The following PARP4 variants were observed in gnomAD, a reference collection of about 807,000 sequenced individuals.
PARP4 encodes the protein poly(ADP-ribose) polymerase family member 4, also known as protein mono-ADP-ribosyltransferase PARP4.
PARP4 carries 120 observed loss-of-function variants against 187.7 expected under a neutral mutation model. The ratio of observed to expected loss-of-function variants is 0.64; its 90% CI spans 0.55 to 0.74. The LOEUF (loss-of-function observed/expected upper bound fraction) is 0.74, where lower values mean the gene tolerates loss of function less well. Among genes scored for constraint, PARP4 ranks in the 30% least tolerant of loss-of-function variants. The probability of loss-of-function intolerance (pLI) is 0.00; values close to 1 mark genes in which losing one functional copy is unlikely to be tolerated. For synonymous variants in PARP4, 654 were observed against 740.9 expected, an observed-to-expected ratio of 0.88 and a Z score of 1.90; for missense variants, 1,836 against 2,070.5, an observed-to-expected ratio of 0.89 and a Z score of 2.20.
chr13:24,490,691 T>C lies in PARP4; in HGVS notation c.1191A>G (p.Lys397=), dbSNP rs1351386396. 19 of 1,613,796 alleles carry C rather than the reference T, an allele frequency of 1.2e-5. No individual in the cohort carries two copies. The highest frequency in any genetic ancestry group is 1.6e-5 in the Non-Finnish European group (19 of 1,179,826). The part of the protein sequence containing the change: ...QNTEEFLRVR[K]EVLQNHHSKS... ...ACCTGTGATGATTCTGCAAAACCTC[T>C]TTTCTAACCCTGAGAAATTCTTCAG... The change falls in exon 10 of 34, where the codon AAA becomes AAG. Residue 397 remains lysine, a synonymous_variant. Coordinates refer to ENST00000381989, the MANE Select transcript of PARP4 (RefSeq NM_006437.4).
chr13:24,421,045 A>T lies in PARP4; in HGVS notation c.*74T>A, dbSNP rs569759137. 8.6e-5 allele frequency: 125 copies of T among 1,445,350 alleles called. 2 individuals carry two copies. The South Asian group carries it at 1.7e-3, about 20-fold the overall frequency. 89.5% of individuals were successfully genotyped at this position (1,445,350 alleles called of 1,614,324 possible). A position where few individuals can be genotyped will look rare whatever the true frequency, so the allele number is the denominator to read the frequency against. ...AATGAAACCTTAATGAAGTTTCATT[A>T]TAAGTATCTATTATCATTTGATTAT... On this transcript the variant is annotated 3_prime_UTR_variant, in exon 34 of 34. Transcript: ENST00000381989.
intron 1 of PARP4, among the ~76,000 whole-genome samples, chr13:24,506,490 G>A (rs1304618532): frequency 6.6e-6 from 1 of 152,128 alleles, no homozygotes; most frequent in Non-Finnish European, 1.5e-5. Flanking sequence ...TCATTTTATA[G>A]AGCGCTGATT....
chr13:24,463,531 A>T (rs1055878799), intron 17 of PARP4, among the ~76,000 whole-genome samples: 1 of 152,218 alleles, frequency 6.6e-6, no homozygotes, highest in Non-Finnish European at 1.5e-5. Context: ...CATAAACAGA[A>T]CTAAAGACAA....
chr13:24,474,645 G>A (rs1872892036), intron 15 of PARP4, among the ~76,000 whole-genome samples: 1 of 151,912 alleles, frequency 6.6e-6, no homozygotes, highest in South Asian at 2.1e-4. Flanking sequence ...GGCTCCCGCA[G>A]GCACAGTCCC....
chr13:24,441,335 A>C (rs1029284749), intron 30 of PARP4, among the ~76,000 whole-genome samples: 1 of 141,572 alleles, frequency 7.1e-6, no homozygotes, highest in African/African-American at 2.7e-5. Flanking sequence ...TGGAAATTTT[A>C]GTTTTTTAAC....
Position 24,492,489 on chromosome 13 carries a change from G to A in PARP4, c.985C>T (p.Pro329Ser). 1.2e-6 allele frequency: 2 copies of A among 1,613,980 alleles called. No homozygotes were observed. Among genetic ancestry groups the A allele is most frequent in the Non-Finnish European group, 1.7e-6 (2 of 1,179,892 alleles). ...TCTTTGGGCATTGTGCCTTTGTGAG[G>A]TATCAGTCTGTAAAACTCTGTCATC... is the stretch of plus-strand genomic sequence containing the variant. ...KMMTEFYRLI[P>S]HKGTMPKEVN... is the part of the protein sequence containing the mutation. The change falls in exon 9 of 34, where the codon CCT becomes TCT. Residue 329 changes from proline (P) to serine (S), a missense_variant. Pro to Ser is a moderately conservative substitution (Grantham distance 74, BLOSUM62 -1). Coordinates refer to ENST00000381989, the MANE Select transcript of PARP4 (RefSeq NM_006437.4).
At chr13:24,452,696 C>T in intron 23 of PARP4, 103 bp from the exon 24 acceptor site, 1 of 836,614 alleles carries the variant, frequency 1.2e-6, no homozygotes. Flanking sequence ...TATGGTGACA[C>T]CGAAAATATT....
chr13:24,453,843 G>C (rs938473216), intron 22 of PARP4, among the ~76,000 whole-genome samples, 189 bp from the exon 23 acceptor site: 6 of 152,100 alleles, frequency 3.9e-5, no homozygotes, highest in African/African-American at 1.4e-4. Context: ...GGCCAGGCAC[G>C]GTGGCTCATG....
intron 9 of PARP4, among the ~76,000 whole-genome samples, chr13:24,492,078 T>C (rs1036343578): frequency 1.2e-4 from 19 of 152,342 alleles, no homozygotes; most frequent in African/African-American, 4.6e-4. Flanking sequence ...GACTTCTTAT[T>C]GTCTGAGAAC....
chr13:24,453,075 C>T (rs997822973), intron 23 of PARP4, among the ~76,000 whole-genome samples: 1 of 152,088 alleles, frequency 6.6e-6, no homozygotes, highest in African/African-American at 2.4e-5. Flanking sequence ...GCTGGGATTA[C>T]AGGTGTCCGT....
Position 24,435,450 on chromosome 13 carries a change from G to C in PARP4, c.3691C>G (p.Pro1231Ala). The C allele has an allele frequency of 6.2e-7, 1 of 1,604,166 alleles. No homozygotes were observed. The highest frequency in any genetic ancestry group is 8.5e-7 in the Non-Finnish European group (1 of 1,177,384). The part of the protein sequence containing the change: ...NQSLLASSEW[P>A]ELRLSKRKHR... Reference sequence around the variant, plus strand: ...TTTCGTTTGGATAAACGTAATTCTGGCCACTCAGAGGATGCTAAAAGAGAC... The same window carrying C: ...TTTCGTTTGGATAAACGTAATTCTGCCCACTCAGAGGATGCTAAAAGAGAC... The change falls in exon 31 of 34, where the codon CCA becomes GCA. Residue 1231 changes from proline (P) to alanine (A), a missense_variant. By Grantham distance (27) the Pro-to-Ala change is conservative. Coordinates refer to ENST00000381989, the MANE Select transcript of PARP4 (RefSeq NM_006437.4).
At chr13:24,476,696 A>C (rs918766633) in intron 14 of PARP4, among the ~76,000 whole-genome samples, 5 of 152,194 alleles carry the variant, frequency 3.3e-5, no homozygotes, top group African/African-American at 9.7e-5. Context: ...TTTCTGACAA[A>C]AAATAATTTG....
At chr13:24,464,529 C>T (rs1872360291) in intron 17 of PARP4, among the ~76,000 whole-genome samples, 2 of 152,232 alleles carry the variant, frequency 1.3e-5, no homozygotes, top group Admixed American at 1.3e-4. Flanking sequence ...ACAAACCTGA[C>T]AAAAACAAGC....
At chr13:24,458,205 G>A (rs369204728) in intron 20 of PARP4, among the ~76,000 whole-genome samples, 17 of 151,874 alleles carry the variant, frequency 1.1e-4, no homozygotes, top group African/African-American at 3.9e-4. Flanking sequence ...CGCCTCCTGG[G>A]TTCACGCCAT....
intron 2 of PARP4, 145 bp downstream of exon 2, chr13:24,503,500 G>A (rs1869426137): frequency 2.1e-6 from 2 of 933,906 alleles, no homozygotes; most frequent in South Asian, 1.6e-5. Context: ...GCCTCCCAAT[G>A]GGCCATGTCA....
At chr13:24,508,145 C>A (rs1369358695) in intron 1 of PARP4, among the ~76,000 whole-genome samples, 1 of 152,076 alleles carries the variant, frequency 6.6e-6, no homozygotes, top group Non-Finnish European at 1.5e-5. Flanking sequence ...TTAGGTTAAT[C>A]TATGCTAGTC....
At chr13:24,489,309 C>T (rs1868493028) in intron 10 of PARP4, among the ~76,000 whole-genome samples, 1 of 152,118 alleles carries the variant, frequency 6.6e-6, no homozygotes, top group Non-Finnish European at 1.5e-5. Context: ...TATAATTTTC[C>T]ATTAAAAAGA....
At chr13:24,491,875 G>A (rs1265130489) in intron 9 of PARP4, among the ~76,000 whole-genome samples, 1 of 152,208 alleles carries the variant, frequency 6.6e-6, no homozygotes, top group Non-Finnish European at 1.5e-5. Context: ...CTTCCTCTAT[G>A]TGACACAAAA....
chr13:24,462,652 A>G (rs1872264647), intron 17 of PARP4, among the ~76,000 whole-genome samples: 1 of 152,224 alleles, frequency 6.6e-6, no homozygotes, highest in African/African-American at 2.4e-5. Flanking sequence ...GAAAAGACAT[A>G]CAGAAAAGGT....
Sources: allele counts gnomAD v4.1 joint callset (sites outside exome capture counted in the v4.1 genomes callset), GRCh38; gene constraint gnomAD v4.1.1; transcripts MANE v1.5; gene names NCBI Gene and HGNC (gene_info 2026-07-23, HGNC 2026-07-21).